The following MAN1C1 variants were observed in gnomAD, a reference collection of about 807,000 sequenced individuals.
The protein encoded by MAN1C1 is mannosidase alpha class 1C member 1, also known as mannosyl-oligosaccharide 1,2-alpha-mannosidase IC.
In MAN1C1, 49 loss-of-function variants were observed where a neutral mutation model predicts 71.5. The observed-to-expected ratio is 0.69, with a 90% CI of 0.54 to 0.87. The LOEUF is 0.87. Ranked by LOEUF, MAN1C1 falls within the 40% of genes least tolerant of loss-of-function variation. The pLI is 0.00. For missense variants in MAN1C1, 743 were observed against 835.0 expected (o/e 0.89, Z 1.36); for synonymous variants, 352 against 343.7 (o/e 1.02, Z -0.27).
chr1:25,695,958 C>T (rs1032246546), intron 2 of MAN1C1, among the ~76,000 whole-genome samples: 6 of 152,138 alleles, frequency 3.9e-5, no homozygotes, highest in East Asian at 1.9e-4. Context: ...TTTTTCATTT[C>T]GAAGGGGGTA....
At chr1:25,752,910 C>T (rs1003331371) in intron 4 of MAN1C1, among the ~76,000 whole-genome samples, 3 of 152,234 alleles carry the variant, frequency 2.0e-5, no homozygotes, top group Admixed American at 1.3e-4. Flanking sequence ...GGGAAACTGT[C>T]GCCCAGGAGG....
chr1:25,619,840 C>G (rs1007470324), intron 1 of MAN1C1, among the ~76,000 whole-genome samples: 6 of 152,174 alleles, frequency 3.9e-5, no homozygotes, highest in African/African-American at 1.4e-4. Flanking sequence ...GCTCTTTTTG[C>G]CCCTCTCGAC....
intron 1 of MAN1C1, among the ~76,000 whole-genome samples, chr1:25,644,095 A>C (rs2045576224): frequency 6.6e-6 from 1 of 152,156 alleles, no homozygotes; most frequent in Non-Finnish European, 1.5e-5. Flanking sequence ...TTACGGGTGC[A>C]CCATGGTAAC....
intron 1 of MAN1C1, among the ~76,000 whole-genome samples, chr1:25,652,561 C>T (rs1336260209): frequency 6.6e-6 from 1 of 152,236 alleles, no homozygotes; most frequent in Non-Finnish European, 1.5e-5. Context: ...AGCCTGCTGC[C>T]TACCTGAAGC....
Position 25,617,759 on chromosome 1 carries a change from T to C in MAN1C1, c.-39T>C. 1.3e-6 allele frequency: 2 copies of C among 1,539,750 alleles called. No individual in the cohort carries two copies. Among genetic ancestry groups the C allele is most frequent in the South Asian group, 2.4e-5 (2 of 83,826 alleles). On this transcript the variant is annotated 5_prime_UTR_variant, in exon 1 of 12. Transcript: ENST00000374332. The surrounding 1 kb of genome is among the most constrained non-coding windows in gnomAD (Gnocchi z 5.1). The stretch of plus-strand genomic sequence containing the variant: ...CACCGCGCCCCCGCAGACACGTGCC[T>C]GGACTCCGAGGGCTTCTGGAGCCAC...
In MAN1C1 at chr1:25,746,895, C is replaced by A; in HGVS notation, c.753+112C>A. 1.4e-6 allele frequency: 1 copy of A among 721,970 alleles called. No homozygotes were observed. Among genetic ancestry groups the A allele is most frequent in the Non-Finnish European group, 2.3e-6 (1 of 428,842 alleles). 44.7% of individuals were successfully genotyped at this position (721,970 alleles called of 1,614,324 possible). A position where few individuals can be genotyped will look rare whatever the true frequency, so the allele number is the denominator to read the frequency against. ...GAGATGTTGAGGGTCTCTCCCACGG[C>A]TGCACAGCCCAGCAGTCTCGGAACC... is the stretch of plus-strand genomic sequence containing the variant. On this transcript the variant is annotated intron_variant, in intron 3 of 11. Coordinates refer to ENST00000374332, the MANE Select transcript of MAN1C1 (RefSeq NM_020379.4). The surrounding 1 kb of genome is among the most constrained non-coding windows in gnomAD (Gnocchi z 4.0).
chr1:25,727,900 G>A (rs527462437), intron 2 of MAN1C1, among the ~76,000 whole-genome samples: 6 of 152,370 alleles, frequency 3.9e-5, no homozygotes, highest in African/African-American at 9.6e-5. Flanking sequence ...CGTGGGGGCC[G>A]TGCAGACACA....
At chr1:25,682,233 A>G (rs2046165043) in intron 1 of MAN1C1, among the ~76,000 whole-genome samples, 1 of 152,212 alleles carries the variant, frequency 6.6e-6, no homozygotes, top group African/African-American at 2.4e-5. Context: ...AGATGCAGAT[A>G]GCAGTCCCAT....
At chr1:25,644,520 T>TATATATA (rs1304440061) in intron 1 of MAN1C1, 1 of 65,042 alleles carries the variant, frequency 1.5e-5, no homozygotes, top group African/African-American at 1.4e-4. Flanking sequence ...ATATATATAT[T>TATATATA]TTTTTTTTTT....
At chr1:25,662,652 C>T (rs2045866133) in intron 1 of MAN1C1, among the ~76,000 whole-genome samples, 2 of 152,190 alleles carry the variant, frequency 1.3e-5, no homozygotes, top group Non-Finnish European at 2.9e-5. Context: ...GTGATCCCAT[C>T]TGGGCATGGT....
rs2047734593 is a variant in MAN1C1 at position 25,784,025 on chromosome 1, A to G, written c.*236A>G. 1.1e-5 allele frequency: 5 copies of G among 452,710 alleles called. No homozygotes were observed. The highest frequency in any genetic ancestry group is 3.8e-5 in the Admixed American group (1 of 26,014). The allele number at this position is 452,710 out of a possible 1,614,324, so 28.0% of individuals were successfully genotyped here. Reference sequence around the variant, plus strand: ...ACATTCCTTTCTACAGAGAATTTCTATGAAGCCCACTCACTTGCCATTCCA... The same window carrying G: ...ACATTCCTTTCTACAGAGAATTTCTGTGAAGCCCACTCACTTGCCATTCCA... On this transcript the variant is annotated 3_prime_UTR_variant, in exon 12 of 12. Transcript: ENST00000374332.
At chr1:25,691,067 A>G (rs2046302347) in intron 2 of MAN1C1, among the ~76,000 whole-genome samples, 1 of 152,226 alleles carries the variant, frequency 6.6e-6, no homozygotes, top group Admixed American at 6.5e-5. Flanking sequence ...CCGTAGTCCC[A>G]GCACTGTGGG....
intron 1 of MAN1C1, among the ~76,000 whole-genome samples, chr1:25,630,402 A>G (rs991095525): frequency 6.6e-6 from 1 of 152,104 alleles, no homozygotes; most frequent in African/African-American, 2.4e-5. Flanking sequence ...AAAATTTCAT[A>G]TTAATTTTAG....
In MAN1C1 at chr1:25,782,202, C is replaced by T. The variant is rs1421915395; in HGVS notation, c.1651-383C>T. 6.6e-6 allele frequency among the ~76,000 whole-genome samples: 1 copy of T among 152,222 alleles called. No homozygotes were observed. The highest frequency in any genetic ancestry group is 1.5e-5 in the Non-Finnish European group (1 of 68,032). ...CCAAGTCCGTCCCCAAATCCCAGCC[C>T]ATGGCCATCACCCGTGGCTTCTCTT... On this transcript the variant is annotated intron_variant, in intron 10 of 11. Coordinates refer to ENST00000374332, the MANE Select transcript of MAN1C1 (RefSeq NM_020379.4). This position sits in a 1 kb window ranked among gnomAD's most constrained non-coding sequence, Gnocchi z 4.4.
At chr1:25,742,095 G>A (rs965482314) in intron 2 of MAN1C1, among the ~76,000 whole-genome samples, 4 of 152,216 alleles carry the variant, frequency 2.6e-5, no homozygotes, top group African/African-American at 9.7e-5. Context: ...GTTAGCTAGT[G>A]GAACCAGTTC....
In MAN1C1 at chr1:25,634,462, G is replaced by A. The variant is rs2045427648; in HGVS notation, c.540+16125G>A. ...TTAAATTTTGTCACATGCTTTTTCT[G>A]CATCTATGGAGATTATATTGTTTTC... On this transcript the variant is annotated intron_variant, in intron 1 of 11. Coordinates refer to ENST00000374332, the MANE Select transcript of MAN1C1 (RefSeq NM_020379.4). This position sits in a 1 kb window ranked among gnomAD's most constrained non-coding sequence, Gnocchi z 4.6. Among the ~76,000 whole-genome samples the A allele has an allele frequency of 1.3e-5, 2 of 152,234 alleles. No individual in the cohort carries two copies. The highest frequency in any genetic ancestry group is 4.8e-5 in the African/African-American group (2 of 41,526).
intron 4 of MAN1C1, among the ~76,000 whole-genome samples, chr1:25,750,734 C>T (rs1462924893): frequency 6.6e-6 from 1 of 152,174 alleles, no homozygotes; most frequent in Non-Finnish European, 1.5e-5. Context: ...TTTGAGCCAC[C>T]CGGAGCCTGA....
intron 2 of MAN1C1, among the ~76,000 whole-genome samples, chr1:25,696,970 A>G (rs1278013967): frequency 2.0e-5 from 3 of 152,196 alleles, no homozygotes; most frequent in East Asian, 3.9e-4. Flanking sequence ...TCTGACTTCT[A>G]TCACCATAGA....
chr1:25,676,908 GT>G lies in MAN1C1; in HGVS notation c.541-9528del, dbSNP rs1219628782. 3.3e-5 allele frequency among the ~76,000 whole-genome samples: 5 copies of G among 152,228 alleles called. No individual in the cohort carries two copies. The East Asian group carries it at 7.7e-4, about 23-fold the overall frequency. ...AGAACTGTCCAACACAAACTTTGGA[GT>G]TTTCCACTCTGGGAGTGGTCTGCTG... On this transcript the variant is annotated intron_variant, in intron 1 of 11. Transcript: ENST00000374332.
Sources: allele counts gnomAD v4.1 joint callset (sites outside exome capture counted in the v4.1 genomes callset), GRCh38; gene constraint gnomAD v4.1.1; non-coding constraint Gnocchi (gnomAD v3.1); transcripts MANE v1.5; gene names NCBI Gene and HGNC (gene_info 2026-07-23, HGNC 2026-07-21).